TMEM229B: variants seen among roughly 807,000 people sequenced by gnomAD.
The protein encoded by TMEM229B is chromosome 14 open reading frame 83.
TMEM229B carries 6 observed loss-of-function variants against 13.7 expected under a neutral mutation model. That is an observed-to-expected ratio of 0.44 (90% CI 0.24 to 0.86). The LOEUF (loss-of-function observed/expected upper bound fraction) is 0.86. Among genes scored for constraint, TMEM229B ranks in the 40% least tolerant of loss-of-function variants. The probability of loss-of-function intolerance (pLI) is 0.23; values close to 1 mark genes in which losing one functional copy is unlikely to be tolerated. For missense variants in TMEM229B, 170 were observed against 236.0 expected (o/e 0.72, Z 1.83); for synonymous variants, 107 against 102.1 (o/e 1.05, Z -0.29).
chr14:67,479,277 G>A (rs77153186), intron 2 of TMEM229B, among the ~76,000 whole-genome samples: 7,130 of 151,786 alleles, frequency 0.047, 205 homozygotes, highest in East Asian at 0.096. Flanking sequence ...GTGGTGGCGT[G>A]TGCCTGTAAT....
rs916725844 is a variant in TMEM229B, at chr14:67,473,352, C to T, written c.*68G>A. ...GCTTTTGCTGCATGGATGGGGCAAC[C>T]TCACCAGCTTGGTCTCTTTGTCCAT... On this transcript the variant is annotated 3_prime_UTR_variant, in exon 3 of 3. Transcript: ENST00000554480. This position sits in a 1 kb window ranked among gnomAD's most constrained non-coding sequence, Gnocchi z 6.5. 6.4e-7 allele frequency: 1 copy of T among 1,570,702 alleles called. No homozygotes were observed. Among genetic ancestry groups the T allele is most frequent in the Non-Finnish European group, 8.6e-7 (1 of 1,158,044 alleles).
intron 1 of TMEM229B, among the ~76,000 whole-genome samples, chr14:67,487,654 C>T (rs78395699): frequency 0.047 from 7,121 of 152,282 alleles, 206 homozygotes; most frequent in East Asian, 0.097. Context: ...AACCTTTCTA[C>T]GTACTATTCT....
intron 1 of TMEM229B, among the ~76,000 whole-genome samples, chr14:67,514,512 G>A (rs1398373667): frequency 6.6e-6 from 1 of 152,082 alleles, no homozygotes; most frequent in East Asian, 1.9e-4. Context: ...CCTAGGTGTG[G>A]GGTCCATCAC....
chr14:67,502,759 G>T (rs551491779), intron 1 of TMEM229B, among the ~76,000 whole-genome samples: 3 of 152,232 alleles, frequency 2.0e-5, no homozygotes, highest in Non-Finnish European at 4.4e-5. Context: ...GCCCCAGAAG[G>T]TGATTTCTAA....
chr14:67,531,310 G>T (rs1440895832), intron 1 of TMEM229B, among the ~76,000 whole-genome samples: 2 of 152,114 alleles, frequency 1.3e-5, no homozygotes. Context: ...AACAAAAGTT[G>T]TAACTTGCCC....
At chr14:67,477,018 A>C (rs1273533256) in intron 2 of TMEM229B, among the ~76,000 whole-genome samples, 4 of 152,082 alleles carry the variant, frequency 2.6e-5, no homozygotes, top group Non-Finnish European at 5.9e-5. Context: ...GGCCTGCTTC[A>C]GCTGAAATGT....
chr14:67,527,020 T>C (rs1417512061), intron 1 of TMEM229B, among the ~76,000 whole-genome samples: 1 of 152,186 alleles, frequency 6.6e-6, no homozygotes, highest in Non-Finnish European at 1.5e-5. Flanking sequence ...GGAGCTGCAA[T>C]GGCTTGGTCA....
At position 67,473,129 on chromosome 14, in the gene TMEM229B, A is replaced by G. The variant is rs2140028531; in HGVS notation, c.*291T>C. On this transcript the variant is annotated 3_prime_UTR_variant, in exon 3 of 3. Coordinates refer to ENST00000554480, the MANE Select transcript of TMEM229B (RefSeq NM_001348543.2). The surrounding 1 kb of genome is among the most constrained non-coding windows in gnomAD (Gnocchi z 6.5). ...GCCTGCTGCTTCCAAAGTCAACTACATAGTCCATCGCTGCTCAGCCACAGG... is the reference window on the plus strand; with the variant it reads ...GCCTGCTGCTTCCAAAGTCAACTACGTAGTCCATCGCTGCTCAGCCACAGG... The G allele has an allele frequency of 2.3e-6, 1 of 426,652 alleles. No homozygotes were observed. Among genetic ancestry groups the G allele is most frequent in the Non-Finnish European group, 4.3e-6 (1 of 230,832 alleles). The allele number at this position is 426,652 out of a possible 1,614,324, so 26.4% of individuals were successfully genotyped here.
chr14:67,529,619 G>A (rs1475179939), intron 1 of TMEM229B, among the ~76,000 whole-genome samples: 1 of 151,874 alleles, frequency 6.6e-6, no homozygotes, highest in Non-Finnish European at 1.5e-5. Context: ...TTCCTAACTG[G>A]CCCTTCTCTG....
At chr14:67,521,322 T>C (rs1213374921) in intron 1 of TMEM229B, among the ~76,000 whole-genome samples, 2 of 152,100 alleles carry the variant, frequency 1.3e-5, no homozygotes, top group Non-Finnish European at 2.9e-5. Flanking sequence ...AATGCAAAAG[T>C]TTACTAAGGA....
chr14:67,485,233 G>T (rs548985803), intron 2 of TMEM229B, among the ~76,000 whole-genome samples: 1 of 152,158 alleles, frequency 6.6e-6, no homozygotes. Flanking sequence ...GAGGAACGAC[G>T]TTCCCACAGA....
Position 67,473,252 on chromosome 14 carries a change from G to GC in TMEM229B, c.*167dup. ...CCCCATCCCCCAACACCTGACCACG[G>GC]CCCCCCAACACCGGCCCCCGCGGAC... On this transcript the variant is annotated 3_prime_UTR_variant, in exon 3 of 3. Transcript: ENST00000554480. This position sits in a 1 kb window ranked among gnomAD's most constrained non-coding sequence, Gnocchi z 6.5. 4.5e-6 allele frequency: 4 copies of GC among 885,230 alleles called. No homozygotes were observed. Among genetic ancestry groups the GC allele is most frequent in the East Asian group, 2.6e-5 (1 of 37,810 alleles). 54.8% of individuals were successfully genotyped at this position (885,230 alleles called of 1,614,324 possible). A position where few individuals can be genotyped will look rare whatever the true frequency, so the allele number is the denominator to read the frequency against.
intron 1 of TMEM229B, among the ~76,000 whole-genome samples, chr14:67,529,443 G>C (rs2033413557): frequency 6.6e-6 from 1 of 152,150 alleles, no homozygotes; most frequent in Non-Finnish European, 1.5e-5. Context: ...AAAATAGCAA[G>C]TATTCAATAG....
rs767831541 is a variant in TMEM229B at position 67,473,569 on chromosome 14, C to G, written c.355G>C (p.Glu119Gln). 1 of 1,612,910 alleles carries G rather than the reference C, an allele frequency of 6.2e-7. No homozygotes were observed. Among genetic ancestry groups the G allele is most frequent in the Non-Finnish European group, 8.5e-7 (1 of 1,179,466 alleles). ...DFDFMGLITLEYAVPWFCGAL... is the reference protein window; with the variant it reads ...DFDFMGLITLQYAVPWFCGAL... Reference sequence around the variant, plus strand: ...CCGCAGAACCAGGGCACGGCGTACTCCAGGGTGATGAGGCCCATGAAGTCA... The same window carrying G: ...CCGCAGAACCAGGGCACGGCGTACTGCAGGGTGATGAGGCCCATGAAGTCA... Residue 119 changes from glutamate (E) to glutamine (Q), a missense_variant, in exon 3 of 3, where the codon GAG becomes CAG. Glu to Gln is a conservative substitution (Grantham distance 29, BLOSUM62 2). Transcript: ENST00000554480. This position sits in a 1 kb window ranked among gnomAD's most constrained non-coding sequence, Gnocchi z 6.5.
Position 67,495,376 on chromosome 14 carries a change from G to C in TMEM229B, c.-191-8204C>G, listed in dbSNP as rs567904311. 2.6e-5 allele frequency among the ~76,000 whole-genome samples: 4 copies of C among 152,284 alleles called. No homozygotes were observed. The South Asian group carries it at 6.2e-4, about 24-fold the overall frequency. The stretch of plus-strand genomic sequence containing the variant: ...TGCCAGAAGACGGGGTTAAACTTTG[G>C]AGTGTATCCGTATATGTAGTTAATA... On this transcript the variant is annotated intron_variant, in intron 1 of 2. Coordinates refer to the TMEM229B transcript ENST00000357461.
At chr14:67,476,324 C>T (rs2031192026) in intron 2 of TMEM229B, among the ~76,000 whole-genome samples, 1 of 152,226 alleles carries the variant, frequency 6.6e-6, no homozygotes, top group East Asian at 1.9e-4. Context: ...CAGTGGCTCA[C>T]ACCTGTAATC....
intron 2 of TMEM229B, among the ~76,000 whole-genome samples, chr14:67,483,890 A>C (rs1274511915): frequency 6.6e-6 from 1 of 152,220 alleles, no homozygotes; most frequent in African/African-American, 2.4e-5. Context: ...TCAGATCCCA[A>C]GCAAACCGCA....
At chr14:67,492,924 C>T (rs78876062), upstream of TMEM229B, among the ~76,000 whole-genome samples, 15,455 of 152,150 alleles carry the variant, frequency 0.1, 910 homozygotes, top group African/African-American at 0.16. Flanking sequence ...TCTAAACATA[C>T]TATAAGTTTT....
chr14:67,497,047 C>T (rs985284931), intron 1 of TMEM229B, among the ~76,000 whole-genome samples: 30 of 152,082 alleles, frequency 2.0e-4, no homozygotes, highest in Non-Finnish European at 4.0e-4. Context: ...CCGCCTCAGC[C>T]TCCCAAAGTG....
Sources: gnomAD v4.1 joint callset for allele counts (sites outside exome capture counted in the v4.1 genomes callset) on GRCh38, gnomAD v4.1.1 for gene constraint, Gnocchi (gnomAD v3.1) non-coding constraint, MANE v1.5 for transcripts, NCBI Gene and HGNC (gene_info 2026-07-23, HGNC 2026-07-21) for gene names.